PPFIA2: variants seen among roughly 807,000 people sequenced by gnomAD.
The protein encoded by PPFIA2 is PPFI scaffold protein A2, also known as liprin-alpha-2.
PPFIA2 carries 46 observed loss-of-function variants against 175.5 expected under a neutral mutation model. The ratio of observed to expected loss-of-function variants is 0.26; its 90% CI spans 0.21 to 0.34. The LOEUF is 0.34. Among genes scored for constraint, PPFIA2 ranks in the 10% least tolerant of loss-of-function variants. The pLI is 1.00. For synonymous variants in PPFIA2, 568 were observed against 511.4 expected (o/e 1.11, Z -1.49); for missense variants, 1,179 against 1,506.1 (o/e 0.78, Z 3.60).
chr12:81,483,997 G>A (rs1206797505), intron 4 of PPFIA2, among the ~76,000 whole-genome samples: 1 of 151,832 alleles, frequency 6.6e-6, no homozygotes, highest in Non-Finnish European at 1.5e-5. Flanking sequence ...CCTCGGGGTA[G>A]GAATCACTTT....
chr12:81,663,728 C>T (rs999073846), intron 4 of PPFIA2, among the ~76,000 whole-genome samples: 4 of 152,116 alleles, frequency 2.6e-5, no homozygotes, highest in African/African-American at 9.7e-5. Flanking sequence ...CCCACATTGC[C>T]AAGTCAATCC....
At chr12:81,441,560 C>A (rs960681963) in intron 6 of PPFIA2, among the ~76,000 whole-genome samples, 1 of 151,986 alleles carries the variant, frequency 6.6e-6, no homozygotes, top group African/African-American at 2.4e-5. Flanking sequence ...AGGATTAATG[C>A]TGATTAATAA....
intron 4 of PPFIA2, among the ~76,000 whole-genome samples, chr12:81,540,965 C>T (rs555852676): frequency 6.6e-6 from 1 of 152,078 alleles, no homozygotes; most frequent in South Asian, 2.1e-4. Flanking sequence ...TATCTCTTTC[C>T]CCAGGGGTGC....
At chr12:81,371,898 CACACACACACAA>C (rs2035204647) in intron 11 of PPFIA2, among the ~76,000 whole-genome samples, 1 of 144,910 alleles carries the variant, frequency 6.9e-6, no homozygotes, top group Admixed American at 7.0e-5. Flanking sequence ...TGCCTATACA[CACACACACACAA>C]ACACACACAC....
intron 3 of PPFIA2, among the ~76,000 whole-genome samples, chr12:81,697,015 G>T (rs1227831152): frequency 6.6e-6 from 1 of 152,012 alleles, no homozygotes; most frequent in African/African-American, 2.4e-5. Context: ...TTTGTTATGA[G>T]TCTAGAAGCT....
intron 4 of PPFIA2, among the ~76,000 whole-genome samples, chr12:81,484,127 A>C (rs559827305): frequency 6.6e-6 from 1 of 152,164 alleles, no homozygotes; most frequent in African/African-American, 2.4e-5. Context: ...ATATCCTGGT[A>C]CTTTCAGAGT....
chr12:81,728,141 A>G (rs1265966896), intron 3 of PPFIA2, among the ~76,000 whole-genome samples: 1 of 151,454 alleles, frequency 6.6e-6, no homozygotes, highest in Non-Finnish European at 1.5e-5. Flanking sequence ...GGTTATGGGA[A>G]AATACTGCCA....
chr12:81,303,793 T>C (rs2048453059), intron 22 of PPFIA2, among the ~76,000 whole-genome samples: 1 of 152,180 alleles, frequency 6.6e-6, no homozygotes, highest in Non-Finnish European at 1.5e-5. Context: ...CAAAAATTTC[T>C]AGATAAAAGA....
intron 4 of PPFIA2, among the ~76,000 whole-genome samples, chr12:81,567,115 C>T (rs1459481441): frequency 6.6e-6 from 1 of 152,158 alleles, no homozygotes; most frequent in East Asian, 1.9e-4. Context: ...GGCGCAATCT[C>T]GGCTCACTGC....
At chr12:81,532,284 T>G (rs2064685286) in intron 4 of PPFIA2, among the ~76,000 whole-genome samples, 1 of 151,752 alleles carries the variant, frequency 6.6e-6, no homozygotes, top group Non-Finnish European at 1.5e-5. Flanking sequence ...TGCAAGCTGA[T>G]GACTAAGTCT....
intron 4 of PPFIA2, among the ~76,000 whole-genome samples, chr12:81,594,175 C>T (rs569387130): frequency 6.6e-6 from 1 of 152,178 alleles, no homozygotes; most frequent in South Asian, 2.1e-4. Flanking sequence ...CCCTTCCCGT[C>T]CCCCTCTCAA....
chr12:81,584,944 A>C, intron 4 of PPFIA2, among the ~76,000 whole-genome samples: 1 of 114,466 alleles, frequency 8.7e-6, no homozygotes, highest in South Asian at 2.3e-4. Context: ...AATATATTAT[A>C]TATTAATTAT....
At chr12:81,663,018 ACT>A (rs2069257878) in intron 4 of PPFIA2, among the ~76,000 whole-genome samples, 1 of 152,070 alleles carries the variant, frequency 6.6e-6, no homozygotes, top group African/African-American at 2.4e-5. Context: ...CATGCTAAAA[ACT>A]CTCAATAAAT....
intron 3 of PPFIA2, among the ~76,000 whole-genome samples, chr12:81,692,066 CCT>C (rs760566521): frequency 8.8e-4 from 127 of 143,570 alleles, no homozygotes; most frequent in Admixed American, 1.1e-3. Context: ...TTTCTCTCTT[CCT>C]CTCTCTCTCT....
chr12:81,341,327 A>C (rs1235043806), intron 19 of PPFIA2, 119 bp from the exon 20 acceptor site: 2 of 987,080 alleles, frequency 2.0e-6, no homozygotes, highest in Non-Finnish European at 2.9e-6. Context: ...TAAAACAACA[A>C]AACTTGGGGC....
At chr12:81,478,870 G>A (rs2057825793) in intron 4 of PPFIA2, among the ~76,000 whole-genome samples, 1 of 152,094 alleles carries the variant, frequency 6.6e-6, no homozygotes, top group Non-Finnish European at 1.5e-5. Flanking sequence ...GTGCGATGTG[G>A]TGCTGAGAAG....
chr12:81,361,795 C>T (rs540547861), intron 15 of PPFIA2, among the ~76,000 whole-genome samples: 1 of 151,420 alleles, frequency 6.6e-6, no homozygotes, highest in African/African-American at 2.4e-5. Context: ...AACATAACAC[C>T]AAGAAAGATG....
intron 7 of PPFIA2, among the ~76,000 whole-genome samples, chr12:81,427,215 G>A (rs1331771069): frequency 6.6e-6 from 1 of 151,966 alleles, no homozygotes; most frequent in Non-Finnish European, 1.5e-5. Context: ...ATATTGTTGG[G>A]AGAAAGGCCA....
rs565567400 is a variant in PPFIA2 at position 81,704,753 on chromosome 12, T to C, written c.250-27909A>G. Among the ~76,000 whole-genome samples, 3 of 152,098 alleles carry C rather than the reference T, an allele frequency of 2.0e-5. No individual in the cohort carries two copies. In the South Asian group the frequency reaches 6.2e-4, roughly 32 times the overall value. ...AAAGCCAAGGGACATTACTTGAGGA[T>C]AGCAACTTAAATATAATATATAAAT... On this transcript the variant is annotated intron_variant, in intron 3 of 32. Transcript: ENST00000549396.
Sources: gnomAD v4.1 joint callset for allele counts (sites outside exome capture counted in the v4.1 genomes callset) on GRCh38, gnomAD v4.1.1 for gene constraint, MANE v1.5 for transcripts, NCBI Gene and HGNC (gene_info 2026-07-23, HGNC 2026-07-21) for gene names.